NXPH1: variants seen among roughly 807,000 people sequenced by gnomAD.
The protein encoded by NXPH1 is neurexophilin 1.
A neutral mutation model predicts 23.7 loss-of-function variants in NXPH1; 5 were observed. That is an observed-to-expected ratio of 0.21 (90% CI 0.11 to 0.44). The LOEUF (loss-of-function observed/expected upper bound fraction) is 0.44, where lower values mean the gene tolerates loss of function less well. NXPH1 is among the 20% of genes least tolerant of loss of function. The pLI is 0.99. For missense variants in NXPH1, 324 were observed against 321.6 expected (o/e 1.01, Z -0.06); for synonymous variants, 144 against 122.2 (o/e 1.18, Z -1.18).
chr7:8,696,977 G>A (rs1484497264), intron 2 of NXPH1, among the ~76,000 whole-genome samples: 6 of 132,448 alleles, frequency 4.5e-5, no homozygotes, highest in Admixed American at 2.2e-4. Flanking sequence ...GGTCAACATG[G>A]CAAAACCCTG....
In NXPH1 at chr7:8,568,419, A is replaced by G. The variant is rs111854031; in HGVS notation, c.54+132652A>G. Among the ~76,000 whole-genome samples, 1,470 of 151,966 alleles carry G rather than the reference A, an allele frequency of 9.7e-3. 29 individuals carry two copies. The highest frequency in any genetic ancestry group is 0.033 in the African/African-American group (1,384 of 41,504). On this transcript the variant is annotated intron_variant, in intron 2 of 2. Transcript: ENST00000405863. ...TGATAAATTTTTACACAAGGCCCCA[A>G]AATAGCAGCTTATGTGCAGATGCAT...
chr7:8,468,845 A>G (rs1332034417), intron 2 of NXPH1, among the ~76,000 whole-genome samples: 1 of 152,110 alleles, frequency 6.6e-6, no homozygotes, highest in Non-Finnish European at 1.5e-5. Context: ...AAATTACCCA[A>G]GATAATAAAA....
chr7:8,732,477 C>G (rs2115218297), intron 2 of NXPH1, among the ~76,000 whole-genome samples: 1 of 152,288 alleles, frequency 6.6e-6, no homozygotes, highest in South Asian at 2.1e-4. Context: ...TTTGTATTGA[C>G]CACTAATTCA....
At chr7:8,571,419 G>A (rs998407171) in intron 2 of NXPH1, among the ~76,000 whole-genome samples, 2 of 151,786 alleles carry the variant, frequency 1.3e-5, no homozygotes, top group Admixed American at 1.3e-4. Flanking sequence ...AGGAAAAGGG[G>A]AAATTTGGGG....
intron 2 of NXPH1, among the ~76,000 whole-genome samples, chr7:8,741,822 T>A (rs145159460): frequency 0.015 from 2,245 of 152,254 alleles, 19 homozygotes; most frequent in Non-Finnish European, 0.024. Flanking sequence ...AAAATAGATG[T>A]AGCTAAGAAT....
intron 2 of NXPH1, among the ~76,000 whole-genome samples, chr7:8,484,080 GCAACAAAC>G (rs2128610220): frequency 6.6e-6 from 1 of 150,786 alleles, no homozygotes; most frequent in African/African-American, 2.5e-5. Context: ...TGCTCTGCAT[GCAACAAAC>G]CAACAAACAA....
chr7:8,748,130 T>C (rs1780502439), intron 2 of NXPH1, among the ~76,000 whole-genome samples: 2 of 152,320 alleles, frequency 1.3e-5, no homozygotes, highest in South Asian at 2.1e-4. Context: ...TCCTTTCAAC[T>C]TTATCCTATT....
intron 2 of NXPH1, among the ~76,000 whole-genome samples, chr7:8,444,880 C>A (rs7806226): frequency 0.74 from 112,271 of 152,242 alleles, 43,763 homozygotes; most frequent in East Asian, 0.9. Context: ...TAAAGTAATA[C>A]TATCTGTCCT....
chr7:8,530,111 C>G (rs532767778), intron 2 of NXPH1, among the ~76,000 whole-genome samples: 1 of 152,094 alleles, frequency 6.6e-6, no homozygotes, highest in Admixed American at 6.6e-5. Flanking sequence ...AGGACACTTA[C>G]CACGGGATGT....
intron 2 of NXPH1, among the ~76,000 whole-genome samples, chr7:8,498,099 G>A (rs1205424663): frequency 6.6e-6 from 1 of 152,058 alleles, no homozygotes; most frequent in Non-Finnish European, 1.5e-5. Flanking sequence ...AATCAAATGA[G>A]CTAATATCTG....
At chr7:8,656,514 T>G (rs1187504383) in intron 2 of NXPH1, among the ~76,000 whole-genome samples, 7 of 150,970 alleles carry the variant, frequency 4.6e-5, no homozygotes, top group African/African-American at 1.7e-4. Context: ...AATGTTTTTT[T>G]TTTTTTTTTT....
chr7:8,642,738 A>G (rs893521596), intron 2 of NXPH1, among the ~76,000 whole-genome samples: 1 of 152,186 alleles, frequency 6.6e-6, no homozygotes, highest in African/African-American at 2.4e-5. Context: ...TAATTGTCCA[A>G]GACATCTAGG....
At position 8,751,573 on chromosome 7, in the gene NXPH1, A is replaced by G; in HGVS notation, c.620A>G (p.Asn207Ser). 1 of 1,613,566 alleles carries G rather than the reference A, an allele frequency of 6.2e-7. No homozygotes were observed. The highest frequency in any genetic ancestry group is 8.5e-7 in the Non-Finnish European group (1 of 1,179,748). Residue 207 changes from asparagine to serine, a missense_variant, in exon 3 of 3, where the codon AAC (asparagine) becomes AGC (serine). Coordinates refer to ENST00000405863, the MANE Select transcript of NXPH1 (RefSeq NM_152745.3). This position sits in a 1 kb window ranked among gnomAD's most constrained non-coding sequence, Gnocchi z 4.5. ...GAAAAGGTTGACAAGGCTACCAAGA[A>G]CACACTCTGCAACTATGACCCTTCA... Reference protein sequence around the residue: ...EYEKVDKATKNTLCNYDPSKT... With the variant: ...EYEKVDKATKSTLCNYDPSKT...
chr7:8,589,376 A>G (rs1195841242), intron 2 of NXPH1, among the ~76,000 whole-genome samples: 1 of 152,148 alleles, frequency 6.6e-6, no homozygotes, highest in Non-Finnish European at 1.5e-5. Flanking sequence ...TGGGTGCAAT[A>G]TTAGTCCTTG....
chr7:8,514,580 G>A (rs902879290), intron 2 of NXPH1, among the ~76,000 whole-genome samples: 2 of 152,128 alleles, frequency 1.3e-5, no homozygotes, highest in African/African-American at 4.8e-5. Flanking sequence ...CCCATGTGCT[G>A]TGTGTGTCAT....
At chr7:8,436,982 T>C (rs1033631441) in intron 2 of NXPH1, among the ~76,000 whole-genome samples, 1 of 152,236 alleles carries the variant, frequency 6.6e-6, no homozygotes, top group Non-Finnish European at 1.5e-5. Flanking sequence ...TATATGTGTG[T>C]GTGAATGTGT....
intron 2 of NXPH1, among the ~76,000 whole-genome samples, chr7:8,661,927 C>T (rs957244443): frequency 6.6e-5 from 10 of 151,608 alleles, no homozygotes; most frequent in Admixed American, 1.3e-4. Flanking sequence ...CAAGTATCCC[C>T]CCCAAAAAAC....
chr7:8,751,835 AAAG>A lies in NXPH1; in HGVS notation c.*73_*75del. ...GGTCATATGACAGGGCTGTTACCTC[AAAG>A]AAGAAGGTCACATCTGTTGCCTGGA... is the stretch of plus-strand genomic sequence containing the variant. On this transcript the variant is annotated 3_prime_UTR_variant, in exon 3 of 3. Coordinates refer to ENST00000405863, the MANE Select transcript of NXPH1 (RefSeq NM_152745.3). The surrounding 1 kb of genome is among the most constrained non-coding windows in gnomAD (Gnocchi z 4.5). The A allele has an allele frequency of 7.0e-7, 1 of 1,436,468 alleles. No homozygotes were observed. Among genetic ancestry groups the A allele is most frequent in the Non-Finnish European group, 9.3e-7 (1 of 1,075,194 alleles). 89.0% of individuals were successfully genotyped at this position (1,436,468 alleles called of 1,614,324 possible).
intron 2 of NXPH1, among the ~76,000 whole-genome samples, chr7:8,538,516 A>G (rs981989663): frequency 6.6e-6 from 1 of 151,900 alleles, no homozygotes; most frequent in African/African-American, 2.4e-5. Flanking sequence ...GGATAAAGAT[A>G]ATGGGTACCA....
Sources: gnomAD v4.1 joint callset for allele counts (sites outside exome capture counted in the v4.1 genomes callset) on GRCh38, gnomAD v4.1.1 for gene constraint, Gnocchi (gnomAD v3.1) non-coding constraint, MANE v1.5 for transcripts, NCBI Gene and HGNC (gene_info 2026-07-23, HGNC 2026-07-21) for gene names.